The following PCDHA12 variants were observed in gnomAD, a reference collection of about 807,000 sequenced individuals.
PCDHA12 encodes the protein protocadherin alpha 12, also known as protocadherin alpha-12.
PCDHA12 carries 44 observed loss-of-function variants against 60.0 expected under a neutral mutation model. The observed-to-expected ratio is 0.73, with a 90% CI of 0.58 to 0.94. The LOEUF is 0.94. Among genes scored for constraint, PCDHA12 ranks in the 40% least tolerant of loss-of-function variants. The pLI, the probability that PCDHA12 is intolerant of heterozygous loss-of-function variation, is 0.00. For missense variants in PCDHA12, 1,276 were observed against 1,239.7 expected, an observed-to-expected ratio of 1.03 and a Z score of -0.44; for synonymous variants, 569 against 553.0, an observed-to-expected ratio of 1.03 and a Z score of -0.40.
intron 3 of PCDHA12, among the ~76,000 whole-genome samples, chr5:141,002,517 G>A (rs770473989): frequency 5.3e-5 from 8 of 152,208 alleles, no homozygotes; most frequent in Non-Finnish European, 8.8e-5. Flanking sequence ...GAGTCTCCTA[G>A]CTGGAGTCAG....
In PCDHA12 at chr5:140,959,634, A is replaced by G. The variant is rs78629455; in HGVS notation, c.2368-19315A>G. ...TGCTTGTGATAGAAAAAAAGAGAGA[A>G]AAAACACAGAAGCAAAATTGAAGAA... On this transcript the variant is annotated intron_variant, in intron 1 of 3. Transcript: ENST00000398631. Among the ~76,000 whole-genome samples, 1,434 of 152,320 alleles carry G rather than the reference A, an allele frequency of 9.4e-3. 14 individuals carry two copies. The highest frequency in any genetic ancestry group is 0.021 in the Admixed American group (316 of 15,292).
chr5:140,987,005 T>C (rs1587197864), intron 3 of PCDHA12, among the ~76,000 whole-genome samples: 1 of 152,008 alleles, frequency 6.6e-6, no homozygotes. Context: ...CTTGAGGTCA[T>C]GAGTTCGAGA....
intron 3 of PCDHA12, among the ~76,000 whole-genome samples, chr5:140,998,568 A>AG (rs1167593072): frequency 3.1e-5 from 3 of 96,370 alleles, no homozygotes; most frequent in African/African-American, 1.3e-4. Context: ...ATTGTAAATA[A>AG]GTTTTTTTTT....
intron 1 of PCDHA12, among the ~76,000 whole-genome samples, chr5:140,886,497 T>A (rs2061000599): frequency 6.6e-6 from 1 of 152,160 alleles, no homozygotes; most frequent in Non-Finnish European, 1.5e-5. Context: ...TATATCTTTT[T>A]CCTTTTATGG....
chr5:140,933,629 C>G (rs958764636), intron 1 of PCDHA12, among the ~76,000 whole-genome samples: 1 of 151,846 alleles, frequency 6.6e-6, no homozygotes, highest in Non-Finnish European at 1.5e-5. Context: ...TTAGGCTGGC[C>G]CTGTTAAACA....
chr5:140,954,996 A>G (rs879953600), intron 1 of PCDHA12, among the ~76,000 whole-genome samples: 16 of 152,214 alleles, frequency 1.1e-4, no homozygotes, highest in Non-Finnish European at 1.6e-4. Flanking sequence ...GCATATGGCT[A>G]GCCAATTCTC....
intron 1 of PCDHA12, chr5:140,882,120 CT>C (rs2058961361): frequency 6.9e-7 from 1 of 1,449,002 alleles, no homozygotes; most frequent in East Asian, 2.3e-5. Flanking sequence ...GCCGCCGTTT[CT>C]TTCTTCCTGC....
chr5:140,892,218 T>C (rs182162644), intron 1 of PCDHA12, among the ~76,000 whole-genome samples: 23 of 152,308 alleles, frequency 1.5e-4, no homozygotes, highest in Admixed American at 1.4e-3. Context: ...ATTGTATCTT[T>C]ATGGTGTTTT....
chr5:140,898,033 GTTGT>G (rs2066486498), intron 1 of PCDHA12, among the ~76,000 whole-genome samples: 1 of 152,032 alleles, frequency 6.6e-6, no homozygotes, highest in South Asian at 2.1e-4. Flanking sequence ...TTTTGATGGG[GTTGT>G]TTGTTTTTTT....
At chr5:140,939,152 G>A (rs1486129737) in intron 1 of PCDHA12, among the ~76,000 whole-genome samples, 20 of 152,068 alleles carry the variant, frequency 1.3e-4, no homozygotes, top group Admixed American at 1.2e-3. Context: ...CAAGGTCCTG[G>A]CAGATTTGTG....
chr5:141,000,389 CTCTCTCTATATATA>C (rs1429861640), intron 3 of PCDHA12, among the ~76,000 whole-genome samples: 15 of 62,586 alleles, frequency 2.4e-4, no homozygotes, highest in African/African-American at 9.8e-4. Flanking sequence ...CTCTCTCTCT[CTCTCTCTATATATA>C]TATATATATA....
chr5:140,968,637 T>C, intron 1 of PCDHA12: 1 of 1,614,208 alleles, frequency 6.2e-7, no homozygotes. Flanking sequence ...TTTTACCATC[T>C]AGCCCAGACT....
intron 1 of PCDHA12, among the ~76,000 whole-genome samples, chr5:140,941,550 C>T (rs1489599221): frequency 6.6e-6 from 1 of 151,776 alleles, no homozygotes; most frequent in Non-Finnish European, 1.5e-5. Flanking sequence ...CTCCTGACCT[C>T]GTGATCCATT....
intron 1 of PCDHA12, among the ~76,000 whole-genome samples, chr5:140,918,821 GC>G (rs35355209): frequency 0.76 from 114,950 of 152,064 alleles, 44,573 homozygotes; most frequent in African/African-American, 0.94. Flanking sequence ...CCAAAAAGTG[GC>G]CCCCTCCCCA....
chr5:140,947,192 C>T (rs958443362), intron 1 of PCDHA12, among the ~76,000 whole-genome samples: 2 of 151,038 alleles, frequency 1.3e-5, no homozygotes, highest in Admixed American at 6.6e-5. Flanking sequence ...GTATACTACA[C>T]AGCCTTAAAA....
At chr5:140,916,933 A>G (rs1554197692) in intron 1 of PCDHA12, among the ~76,000 whole-genome samples, 3 of 152,162 alleles carry the variant, frequency 2.0e-5, no homozygotes, top group Non-Finnish European at 4.4e-5. Context: ...ACTTAAGCAT[A>G]TAGTGGTGAG....
intron 1 of PCDHA12, chr5:140,928,426 TC>T (rs781827449): frequency 1.9e-6 from 3 of 1,614,134 alleles, no homozygotes; most frequent in South Asian, 2.2e-5. Context: ...TGCCAAAACT[TC>T]CTTTGACTTT....
rs1554169418 is a variant in PCDHA12 at position 140,877,179 on chromosome 5, G to T, written c.1707G>T (p.Pro569=). The T allele has an allele frequency of 1.2e-6, 2 of 1,613,830 alleles. No individual in the cohort carries two copies. ...ACGCGCCGGCACTGCTGGCGACTCCGGCTGGCAGCGCAGGAGGCGCAGTTA... is the reference window on the plus strand; with the variant it reads ...ACGCGCCGGCACTGCTGGCGACTCCTGCTGGCAGCGCAGGAGGCGCAGTTA... ...NDNAPALLAT[P]AGSAGGAVSE... The change falls in exon 1 of 4, where the codon CCG becomes CCT. Residue 569 remains proline (P), a synonymous_variant. Transcript: ENST00000398631.
intron 1 of PCDHA12, among the ~76,000 whole-genome samples, chr5:140,891,658 C>T (rs1241439148): frequency 6.6e-6 from 1 of 151,928 alleles, no homozygotes; most frequent in Non-Finnish European, 1.5e-5. Context: ...GATAGTTCAC[C>T]CACCTTAAAG....
Sources: allele counts gnomAD v4.1 joint callset (sites outside exome capture counted in the v4.1 genomes callset), GRCh38; gene constraint gnomAD v4.1.1; transcripts MANE v1.5; gene names NCBI Gene and HGNC (gene_info 2026-07-23, HGNC 2026-07-21).